The following RAB27B variants were observed in gnomAD, a reference collection of about 807,000 sequenced individuals.
RAB27B encodes the protein ras-related protein Rab-27B.
Under a neutral mutation model 24.6 loss-of-function variants are expected in RAB27B, and 15 were observed. The observed-to-expected ratio is 0.61, with a 90% CI of 0.41 to 0.94. The LOEUF is 0.94. Among genes scored for constraint, RAB27B ranks in the 40% least tolerant of loss-of-function variants. The probability of loss-of-function intolerance (pLI) is 0.00; values close to 1 mark genes in which losing one functional copy is unlikely to be tolerated. For missense variants in RAB27B, 261 were observed against 266.8 expected (o/e 0.98, Z 0.15); for synonymous variants, 105 against 92.5 (o/e 1.14, Z -0.78).
At chr18:54,784,518 T>A (rs187965062) in intron 2 of RAB27B, among the ~76,000 whole-genome samples, 12 of 152,314 alleles carry the variant, frequency 7.9e-5, no homozygotes, top group Admixed American at 5.2e-4. Context: ...AGTACTCAAG[T>A]GCATACCCAG....
chr18:54,877,774 A>C, intron 2 of RAB27B, 36 bp downstream of exon 2: 1 of 1,519,788 alleles, frequency 6.6e-7, no homozygotes, highest in Non-Finnish European at 8.8e-7. Context: ...CTTGTCACTC[A>C]TCCCCCTATA....
chr18:54,823,394 A>G (rs1910371948), intron 2 of RAB27B, among the ~76,000 whole-genome samples: 1 of 150,966 alleles, frequency 6.6e-6, no homozygotes, highest in South Asian at 2.1e-4. Context: ...AAGGGTTACG[A>G]AATCTCGGAT....
Position 54,894,685 on chromosome 18 carries a change from C to T in RAB27B, c.*5272C>T, listed in dbSNP as rs1363164025. ...TAAACCCTGTATGTGTTTATATGTG[C>T]TTCACAGAGTTCGTGTCAGGCTCAA... On this transcript the variant is annotated 3_prime_UTR_variant, in exon 6 of 6. Transcript: ENST00000262094. The T allele has an allele frequency of 6.6e-6, 1 of 151,984 alleles. No homozygotes were observed. The allele number at this position is 151,984 out of a possible 1,614,324, so 9.4% of individuals were successfully genotyped here.
intron 1 of RAB27B, among the ~76,000 whole-genome samples, chr18:54,846,423 C>T (rs560696902): frequency 7.9e-5 from 12 of 152,256 alleles, no homozygotes; most frequent in Non-Finnish European, 1.3e-4. Context: ...ATGTATAACT[C>T]CTGTGAATAA....
chr18:54,844,229 T>C (rs1051974680), intron 1 of RAB27B, among the ~76,000 whole-genome samples: 11 of 152,068 alleles, frequency 7.2e-5, no homozygotes, highest in Admixed American at 3.3e-4. Flanking sequence ...TCTAAGGAGG[T>C]CTGTGGTGCA....
intron 2 of RAB27B, among the ~76,000 whole-genome samples, chr18:54,760,792 T>A (rs1908162310): frequency 6.6e-6 from 1 of 152,150 alleles, no homozygotes; most frequent in African/African-American, 2.4e-5. Context: ...GAGGATGCCA[T>A]GTTTGGTGGG....
intron 2 of RAB27B, among the ~76,000 whole-genome samples, chr18:54,737,176 A>G (rs1297883419): frequency 1.3e-5 from 2 of 152,162 alleles, no homozygotes; most frequent in Admixed American, 6.5e-5. Flanking sequence ...GTTTCGAACC[A>G]TATCATAGTT....
chr18:54,834,742 CTA>C (rs1206910093), intron 1 of RAB27B, among the ~76,000 whole-genome samples: 1 of 151,606 alleles, frequency 6.6e-6, no homozygotes, highest in Non-Finnish European at 1.5e-5. Flanking sequence ...CATATGAACT[CTA>C]TAATAGAGGG....
At position 54,852,380 on chromosome 18, in the gene RAB27B, T is replaced by G. The variant is rs543533354; in HGVS notation, c.-20+23680T>G. Among the ~76,000 whole-genome samples the G allele has an allele frequency of 6.6e-5, 10 of 152,300 alleles. No individual in the cohort carries two copies. In the South Asian group the frequency reaches 2.1e-3, roughly 32 times the overall value. On this transcript the variant is annotated intron_variant, in intron 1 of 5. Transcript: ENST00000262094. Reference sequence around the variant, plus strand: ...AACCACATGTTTAACCCCAAATTCTTAGTAAGGATACTTCTCAATATGGCA... The same window carrying G: ...AACCACATGTTTAACCCCAAATTCTGAGTAAGGATACTTCTCAATATGGCA...
intron 5 of RAB27B, 31 bp from the exon 6 acceptor site, chr18:54,889,193 T>C (rs763366556): frequency 6.3e-7 from 1 of 1,575,416 alleles, no homozygotes; most frequent in South Asian, 1.2e-5. Flanking sequence ...TTTCTTCCTC[T>C]CAAAAATATT....
intron 1 of RAB27B, among the ~76,000 whole-genome samples, chr18:54,855,142 A>G (rs1416152028): frequency 6.6e-6 from 1 of 152,198 alleles, no homozygotes; most frequent in Non-Finnish European, 1.5e-5. Context: ...CGTGCAACCC[A>G]GATCCCTTGC....
chr18:54,783,509 A>T (rs945401530), intron 2 of RAB27B, among the ~76,000 whole-genome samples: 1 of 134,338 alleles, frequency 7.4e-6, no homozygotes, highest in African/African-American at 2.8e-5. Flanking sequence ...GTGTGTGTGT[A>T]TGTATAGCAT....
At chr18:54,750,044 T>A (rs1907782381) in intron 2 of RAB27B, among the ~76,000 whole-genome samples, 1 of 152,206 alleles carries the variant, frequency 6.6e-6, no homozygotes, top group African/African-American at 2.4e-5. Flanking sequence ...ATTTCAACAA[T>A]TCTGTACTTG....
chr18:54,814,101 A>C (rs1010287556), intron 2 of RAB27B, among the ~76,000 whole-genome samples: 2 of 152,216 alleles, frequency 1.3e-5, no homozygotes, highest in African/African-American at 4.8e-5. Context: ...ATAACATTTC[A>C]ATAAATTCAG....
intron 4 of RAB27B, among the ~76,000 whole-genome samples, chr18:54,886,462 T>A (rs1913141022): frequency 6.6e-6 from 1 of 152,158 alleles, no homozygotes; most frequent in Non-Finnish European, 1.5e-5. Context: ...TTCATGATTA[T>A]ATATAATAAT....
intron 2 of RAB27B, among the ~76,000 whole-genome samples, chr18:54,775,204 A>G (rs1000630594): frequency 4.6e-5 from 7 of 152,134 alleles, no homozygotes; most frequent in African/African-American, 1.4e-4. Context: ...ATCAACATAA[A>G]ACAGCTCTGA....
chr18:54,802,395 G>A (rs183313958), intron 2 of RAB27B, among the ~76,000 whole-genome samples: 49 of 152,230 alleles, frequency 3.2e-4, no homozygotes, highest in Non-Finnish European at 6.2e-4. Flanking sequence ...CTGGTTCAGT[G>A]CCTGCTCTTG....
chr18:54,851,818 T>A (rs886573268), intron 1 of RAB27B, among the ~76,000 whole-genome samples: 1 of 152,190 alleles, frequency 6.6e-6, no homozygotes, highest in Non-Finnish European at 1.5e-5. Context: ...GTGATTGTGT[T>A]AAATTGAGGA....
At chr18:54,819,960 T>A (rs1250618033) in intron 2 of RAB27B, among the ~76,000 whole-genome samples, 2 of 152,210 alleles carry the variant, frequency 1.3e-5, no homozygotes, top group Non-Finnish European at 2.9e-5. Context: ...TCATCATTTT[T>A]TTGGCTGCAT....
Sources: gnomAD v4.1 joint callset for allele counts (sites outside exome capture counted in the v4.1 genomes callset) on GRCh38, gnomAD v4.1.1 for gene constraint, MANE v1.5 for transcripts, NCBI Gene and HGNC (gene_info 2026-07-23, HGNC 2026-07-21) for gene names.